The following KRT8 variants were observed in gnomAD, a reference collection of about 807,000 sequenced individuals.
KRT8 encodes keratin 8.
Under a neutral mutation model 43.0 loss-of-function variants are expected in KRT8, and 24 were observed. That is an observed-to-expected ratio of 0.56 (90% CI 0.40 to 0.78). The LOEUF (loss-of-function observed/expected upper bound fraction) is 0.78. KRT8 is among the 30% of genes least tolerant of loss of function. The pLI is 0.00. For missense variants in KRT8, 492 were observed against 638.4 expected (o/e 0.77, Z 2.47); for synonymous variants, 214 against 261.2 (o/e 0.82, Z 1.74).
chr12:52,917,018 C>A (rs1193232679), intron 2 of KRT8, among the ~76,000 whole-genome samples: 3 of 152,108 alleles, frequency 2.0e-5, no homozygotes, highest in Admixed American at 1.3e-4. Context: ...ATAACCAGCA[C>A]CAATAGGAAG....
At chr12:52,941,963 G>A (rs1441344000) in intron 2 of KRT8, among the ~76,000 whole-genome samples, 4 of 152,084 alleles carry the variant, frequency 2.6e-5, no homozygotes, top group South Asian at 2.1e-4. Flanking sequence ...CTTACAAAGC[G>A]TTAATGAATT....
chr12:52,933,825 A>G (rs1302422711), intron 2 of KRT8, among the ~76,000 whole-genome samples: 6 of 151,002 alleles, frequency 4.0e-5, no homozygotes, highest in Admixed American at 2.6e-4. Context: ...GGGTTTCACC[A>G]TGTTGGCCAG....
intron 6 of KRT8, 52 bp downstream of exon 6, chr12:52,898,627 C>T: frequency 1.9e-6 from 3 of 1,613,728 alleles, no homozygotes; most frequent in Non-Finnish European, 2.5e-6. Flanking sequence ...CCGTCCCCAC[C>T]CCAGGTCCCA....
intron 2 of KRT8, among the ~76,000 whole-genome samples, chr12:52,945,023 T>C (rs1298370964): frequency 1.3e-5 from 2 of 152,192 alleles, no homozygotes; most frequent in Non-Finnish European, 2.9e-5. Context: ...TGACCCCCAC[T>C]GACCTCTCCT....
At chr12:52,938,886 G>A (rs1366833592) in intron 2 of KRT8, among the ~76,000 whole-genome samples, 2 of 152,102 alleles carry the variant, frequency 1.3e-5, no homozygotes, top group East Asian at 2.0e-4. Context: ...CAAAGTGCTG[G>A]GCTTACAGGC....
intron 2 of KRT8, among the ~76,000 whole-genome samples, chr12:52,917,834 T>C (rs1355454561): frequency 6.6e-6 from 1 of 151,360 alleles, no homozygotes; most frequent in African/African-American, 2.4e-5. Context: ...GAGCTGAGAT[T>C]GCGCCTCTGT....
upstream of KRT8, among the ~76,000 whole-genome samples, chr12:52,910,535 A>G (rs946388961): frequency 1.3e-5 from 2 of 152,250 alleles, no homozygotes; most frequent in Non-Finnish European, 2.9e-5. Flanking sequence ...AGAGACAGAG[A>G]CTGCGAGAGG....
chr12:52,938,139 T>C (rs1248750213), intron 2 of KRT8, among the ~76,000 whole-genome samples: 17 of 29,212 alleles, frequency 5.8e-4, no homozygotes, highest in African/African-American at 2.4e-3. Flanking sequence ...TAGAAAGCTA[T>C]ATATATATAT....
intron 2 of KRT8, chr12:52,948,494 C>CTTT (rs375720808): frequency 0.011 from 1,181 of 110,924 alleles, 43 homozygotes; most frequent in East Asian, 0.015. Flanking sequence ...TTTCTTTTTT[C>CTTT]TTTTTTTTTT....
intron 2 of KRT8, among the ~76,000 whole-genome samples, chr12:52,919,691 G>A (rs1941846305): frequency 6.6e-6 from 1 of 151,702 alleles, no homozygotes; most frequent in East Asian, 1.9e-4. Context: ...CTGTTGCCCA[G>A]GCTGGAGTGC....
chr12:52,916,561 G>A (rs901112431), intron 2 of KRT8, among the ~76,000 whole-genome samples: 1 of 152,228 alleles, frequency 6.6e-6, no homozygotes, highest in Admixed American at 6.5e-5. Context: ...GTCTGTGTCT[G>A]GTTCCTGTCT....
At chr12:52,944,928 C>A (rs1203713219) in intron 2 of KRT8, among the ~76,000 whole-genome samples, 1 of 152,202 alleles carries the variant, frequency 6.6e-6, no homozygotes, top group Non-Finnish European at 1.5e-5. Context: ...CCCGCATCCT[C>A]CCCCTGCTCC....
chr12:52,900,518 TG>T, intron 4 of KRT8, 69 bp downstream of exon 4: 1 of 959,758 alleles, frequency 1.0e-6, no homozygotes, highest in Non-Finnish European at 1.7e-6. Context: ...GAGGAGCCTC[TG>T]GTTGAGTCTC....
intron 1 of KRT8, among the ~76,000 whole-genome samples, chr12:52,903,093 A>G (rs1299293169): frequency 6.6e-6 from 1 of 151,910 alleles, no homozygotes; most frequent in African/African-American, 2.4e-5. Context: ...TCCCTCCACC[A>G]CTCTCTGCAA....
upstream of KRT8, chr12:52,905,097 C>G: frequency 6.8e-7 from 1 of 1,463,798 alleles, no homozygotes; most frequent in Middle Eastern, 2.3e-4. Flanking sequence ...AAAAGAGATC[C>G]CAGCCCCGGG....
intron 2 of KRT8, among the ~76,000 whole-genome samples, chr12:52,922,346 G>C (rs1363015407): frequency 1.3e-5 from 2 of 152,030 alleles, no homozygotes; most frequent in African/African-American, 4.8e-5. Context: ...CTGTACCATA[G>C]GTTTTTATAA....
intron 2 of KRT8, among the ~76,000 whole-genome samples, chr12:52,942,737 T>C (rs545509348): frequency 1.3e-5 from 2 of 152,266 alleles, no homozygotes; most frequent in Admixed American, 1.3e-4. Context: ...ACCCCCAGGA[T>C]ACGCAGTGTT....
chr12:52,914,456 G>A (rs1409024815), intron 2 of KRT8, among the ~76,000 whole-genome samples: 6 of 152,154 alleles, frequency 3.9e-5, no homozygotes, highest in Non-Finnish European at 8.8e-5. Flanking sequence ...AGAATTGCTC[G>A]AAGCCAGGAG....
chr12:52,899,381 G>A (rs1941304930), intron 5 of KRT8, among the ~76,000 whole-genome samples: 1 of 152,066 alleles, frequency 6.6e-6, no homozygotes, highest in Admixed American at 6.5e-5. Context: ...GTTTCCAGGT[G>A]CTTCCCCTCC....
Sources: gnomAD v4.1 joint callset for allele counts (sites outside exome capture counted in the v4.1 genomes callset) on GRCh38, gnomAD v4.1.1 for gene constraint, MANE v1.5 for transcripts, NCBI Gene and HGNC (gene_info 2026-07-23, HGNC 2026-07-21) for gene names.